NPAS2: variants seen among roughly 807,000 people sequenced by gnomAD.
NPAS2 encodes neuronal PAS domain protein 2, also known as neuronal PAS domain-containing protein 2.
Under a neutral mutation model 107.5 loss-of-function variants are expected in NPAS2, and 23 were observed. That is an observed-to-expected ratio of 0.21 (90% CI 0.15 to 0.30). The LOEUF (loss-of-function observed/expected upper bound fraction) is 0.30. Ranked by LOEUF, NPAS2 falls within the 10% of genes least tolerant of loss-of-function variation. The pLI, the probability that NPAS2 is intolerant of heterozygous loss-of-function variation, is 1.00. For synonymous variants in NPAS2, 403 were observed against 417.5 expected, an observed-to-expected ratio of 0.97 and a Z score of 0.42; for missense variants, 756 against 1,043.3, an observed-to-expected ratio of 0.72 and a Z score of 3.79.
In NPAS2 at chr2:100,883,613, C is replaced by CT. The variant is rs1222580322; in HGVS notation, c.-22-21119dup. On this transcript the variant is annotated intron_variant, in intron 1 of 20. Transcript: ENST00000335681. Reference sequence around the variant, plus strand: ...GGAGAATGCTCTGTCATAACCAGCGCTCCCAGTCTCCATAGGTTCTTAGCA... The same window carrying CT: ...GGAGAATGCTCTGTCATAACCAGCGCTTCCCAGTCTCCATAGGTTCTTAGCA... Among the ~76,000 whole-genome samples the CT allele has an allele frequency of 2.0e-5, 3 of 152,266 alleles. No homozygotes were observed. The East Asian group carries it at 5.8e-4, about 29-fold the overall frequency.
At chr2:100,935,110 T>C in intron 4 of NPAS2, 1 of 985,058 alleles carries the variant, frequency 1.0e-6, no homozygotes, top group Non-Finnish European at 1.2e-6. Context: ...AAAATTGACC[T>C]GGCTGCAGAC....
At chr2:100,832,921 C>T (rs1307106876) in intron 1 of NPAS2, among the ~76,000 whole-genome samples, 1 of 152,202 alleles carries the variant, frequency 6.6e-6, no homozygotes, top group Non-Finnish European at 1.5e-5. Flanking sequence ...GAAGCAACGG[C>T]ATCTCTTTGC....
At chr2:100,880,933 C>A (rs1433756365) in intron 1 of NPAS2, among the ~76,000 whole-genome samples, 2 of 152,122 alleles carry the variant, frequency 1.3e-5, no homozygotes, top group African/African-American at 4.8e-5. Context: ...ATTGAAGAGG[C>A]CGCCCAAGAA....
rs1201732771 is a variant in NPAS2, at chr2:100,939,493, G to A, written c.363+1651G>A. The stretch of plus-strand genomic sequence containing the variant: ...ATCTCTGGCCAGGAAGCTAGTGATG[G>A]GGCTGACACCATGAATACAGAAGTG... On this transcript the variant is annotated intron_variant, in intron 5 of 20. Coordinates refer to ENST00000335681, the MANE Select transcript of NPAS2 (RefSeq NM_002518.4). 3.5e-4 allele frequency among the ~76,000 whole-genome samples: 54 copies of A among 152,170 alleles called. 3 individuals carry two copies. The highest frequency in any genetic ancestry group is 3.5e-3 in the Admixed American group (54 of 15,282).
intron 5 of NPAS2, among the ~76,000 whole-genome samples, chr2:100,941,580 A>G (rs1264331647): frequency 6.6e-6 from 1 of 152,142 alleles, no homozygotes; most frequent in Non-Finnish European, 1.5e-5. Flanking sequence ...AATAACAATA[A>G]TAATGAGAAT....
intron 1 of NPAS2, 112 bp from the exon 2 acceptor site, chr2:100,904,621 G>A: frequency 2.7e-6 from 2 of 751,704 alleles, no homozygotes; most frequent in Non-Finnish European, 4.4e-6. Context: ...CAACAAGTTT[G>A]AGAACCACTG....
chr2:100,926,169 C>T (rs866899677), intron 3 of NPAS2, among the ~76,000 whole-genome samples: 4 of 152,076 alleles, frequency 2.6e-5, no homozygotes, highest in Middle Eastern at 6.3e-3. Context: ...TTTTGATTAA[C>T]CATTCATCAG....
chr2:100,957,371 G>A (rs1049184441), intron 7 of NPAS2, among the ~76,000 whole-genome samples: 7 of 152,232 alleles, frequency 4.6e-5, no homozygotes, highest in African/African-American at 1.7e-4. Context: ...CCACTGGTAG[G>A]AGCAGCCCTT....
intron 2 of NPAS2, among the ~76,000 whole-genome samples, chr2:100,906,933 A>G (rs1291963430): frequency 6.6e-6 from 1 of 152,222 alleles, no homozygotes; most frequent in Non-Finnish European, 1.5e-5. Context: ...TGAGAACTTC[A>G]ATACAGACTT....
intron 7 of NPAS2, among the ~76,000 whole-genome samples, chr2:100,955,224 T>A (rs1234655182): frequency 6.6e-6 from 1 of 152,202 alleles, no homozygotes. Flanking sequence ...TCTTAGTGTT[T>A]CTGCTGGGCA....
intron 15 of NPAS2, among the ~76,000 whole-genome samples, chr2:100,978,172 A>C (rs1677153763): frequency 6.6e-6 from 1 of 152,036 alleles, no homozygotes; most frequent in Non-Finnish European, 1.5e-5. Flanking sequence ...CCCTTGCCCC[A>C]CCAGTCCCAA....
intron 16 of NPAS2, chr2:100,984,420 G>A (rs531675283): frequency 2.0e-5 from 3 of 152,244 alleles, no homozygotes; most frequent in Non-Finnish European, 4.4e-5. Flanking sequence ...AAACACTGAT[G>A]ATTGTTGAAG....
chr2:100,974,153 C>G (rs1310757154), intron 12 of NPAS2, among the ~76,000 whole-genome samples: 2 of 152,290 alleles, frequency 1.3e-5, no homozygotes, highest in Non-Finnish European at 2.9e-5. Context: ...CAACCCAGCC[C>G]CTGTTTTCAT....
At chr2:100,832,655 G>A (rs559328991) in intron 1 of NPAS2, among the ~76,000 whole-genome samples, 24 of 152,230 alleles carry the variant, frequency 1.6e-4, no homozygotes, top group Middle Eastern at 3.4e-3. Context: ...CCAGAAGAAC[G>A]TTGCTGCTGG....
At chr2:100,900,217 C>A (rs1182655406) in intron 1 of NPAS2, among the ~76,000 whole-genome samples, 2 of 152,118 alleles carry the variant, frequency 1.3e-5, no homozygotes, top group African/African-American at 4.8e-5. Flanking sequence ...AGTACTTGTA[C>A]CTGGTAGAGA....
intron 19 of NPAS2, among the ~76,000 whole-genome samples, chr2:100,993,017 C>T (rs1678226516): frequency 6.6e-6 from 1 of 151,326 alleles, no homozygotes; most frequent in Non-Finnish European, 1.5e-5. Flanking sequence ...ACAGTCTCCA[C>T]CTCCCGGGTT....
Position 100,964,946 on chromosome 2 carries a change from T to C in NPAS2, c.800+3T>C, listed in dbSNP as rs748533725. The C allele has an allele frequency of 1.3e-6, 2 of 1,558,046 alleles. No homozygotes were observed. The highest frequency in any genetic ancestry group is 4.8e-5 in the East Asian group (2 of 42,008). On this transcript the variant is annotated splice_donor_region_variant and intron_variant, in intron 9 of 20. Transcript: ENST00000335681. ...AAATTTTTATTTCTGGATCACAGGT[T>C]TGAGAAAAGAAAAACATATTTGGGT...
At chr2:100,887,127 G>T (rs773313671) in intron 1 of NPAS2, among the ~76,000 whole-genome samples, 1 of 152,212 alleles carries the variant, frequency 6.6e-6, no homozygotes, top group Non-Finnish European at 1.5e-5. Flanking sequence ...TAGGAAGCAG[G>T]ACTGGCCTCC....
chr2:100,949,374 C>A lies in NPAS2; in HGVS notation c.492C>A (p.Ser164Arg). 6.2e-7 allele frequency: 1 copy of A among 1,606,620 alleles called. No individual in the cohort carries two copies. Among genetic ancestry groups the A allele is most frequent in the Non-Finnish European group, 8.5e-7 (1 of 1,173,218 alleles). The change falls in exon 7 of 21, where the codon AGC (serine) becomes AGA (arginine). Residue 164 changes from serine to arginine, a missense_variant. By Grantham distance (110) the Ser-to-Arg change is moderately radical. Coordinates refer to ENST00000335681, the MANE Select transcript of NPAS2 (RefSeq NM_002518.4). ...CTTCCTTTAACGGCCCAGCTGACAGCGATTTAGAGTTTTATTGCCATCTTC... is the reference window on the plus strand; with the variant it reads ...CTTCCTTTAACGGCCCAGCTGACAGAGATTTAGAGTTTTATTGCCATCTTC... ...SPSPEYLKSD[S>R]DLEFYCHLLR...
Sources: gnomAD v4.1 joint callset for allele counts (sites outside exome capture counted in the v4.1 genomes callset) on GRCh38, gnomAD v4.1.1 for gene constraint, MANE v1.5 for transcripts, NCBI Gene and HGNC (gene_info 2026-07-23, HGNC 2026-07-21) for gene names.